CCSER1: variants seen among roughly 807,000 people sequenced by gnomAD.
The protein encoded by CCSER1 is coiled-coil serine rich protein 1.
In CCSER1, 41 loss-of-function variants were observed where a neutral mutation model predicts 82.0. That is an observed-to-expected ratio of 0.50 (90% CI 0.39 to 0.65). The LOEUF is 0.65. Among genes scored for constraint, CCSER1 ranks in the 30% least tolerant of loss-of-function variants. CCSER1 has a pLI of 0.00. For missense variants in CCSER1, 1,119 were observed against 1,064.2 expected (o/e 1.05, Z -0.72); for synonymous variants, 414 against 383.9 (o/e 1.08, Z -0.92).
chr4:90,145,101 A>G (rs1725552840), intron 1 of CCSER1, among the ~76,000 whole-genome samples: 1 of 152,046 alleles, frequency 6.6e-6, no homozygotes, highest in South Asian at 2.1e-4. Context: ...CAAAGAATCT[A>G]TTTCTCTTTG....
At chr4:91,092,357 T>C (rs1724049641) in intron 10 of CCSER1, among the ~76,000 whole-genome samples, 1 of 152,196 alleles carries the variant, frequency 6.6e-6, no homozygotes, top group South Asian at 2.1e-4. Flanking sequence ...CAGTTCATGT[T>C]GGATAAGCCT....
At chr4:90,248,158 A>C (rs1721777885) in intron 1 of CCSER1, among the ~76,000 whole-genome samples, 1 of 152,212 alleles carries the variant, frequency 6.6e-6, no homozygotes. Context: ...AATAAAACAC[A>C]TGGTAAATTG....
chr4:91,039,211 T>TC (rs1290382307), intron 9 of CCSER1, among the ~76,000 whole-genome samples: 5 of 118,442 alleles, frequency 4.2e-5, no homozygotes, highest in Admixed American at 1.8e-4. Context: ...TTTCTTTCTT[T>TC]CTTTTTTTTT....
chr4:90,801,557 T>C (rs1185292687), intron 7 of CCSER1, among the ~76,000 whole-genome samples: 1 of 152,192 alleles, frequency 6.6e-6, no homozygotes, highest in Non-Finnish European at 1.5e-5. Context: ...TTAGGAGATA[T>C]GCCACTGTAT....
chr4:90,582,561 T>C lies in CCSER1; in HGVS notation c.1725-45464T>C, dbSNP rs558947709. ...TGCTAAATACATGTTAAAATAATCA[T>C]TGTTTATCAATCAGTTAACACCAAT... On this transcript the variant is annotated intron_variant, in intron 5 of 10. Coordinates refer to ENST00000509176, the MANE Select transcript of CCSER1 (RefSeq NM_001145065.2). Among the ~76,000 whole-genome samples the C allele has an allele frequency of 2.6e-5, 4 of 152,320 alleles. No individual in the cohort carries two copies. The East Asian group carries it at 5.8e-4, about 22-fold the overall frequency.
In CCSER1 at chr4:91,404,022, G is replaced by C. The variant is rs192054861; in HGVS notation, c.2218-194550G>C. On this transcript the variant is annotated intron_variant, in intron 10 of 10. Coordinates refer to ENST00000509176, the MANE Select transcript of CCSER1 (RefSeq NM_001145065.2). The stretch of plus-strand genomic sequence containing the variant: ...TAGAATTTTGCTGTGAATCCATCTG[G>C]TCCTGGACTTTTTTTGGTTGGTAGG... 7.6e-4 allele frequency among the ~76,000 whole-genome samples: 115 copies of C among 152,190 alleles called. 1 individual carries two copies. Among genetic ancestry groups the C allele is most frequent in the African/African-American group, 2.6e-3 (110 of 41,544 alleles).
chr4:91,325,320 A>G, intron 10 of CCSER1: 1 of 372,624 alleles, frequency 2.7e-6, no homozygotes, highest in South Asian at 2.1e-5. Context: ...TACTTGGAAA[A>G]TGAAGCCATT....
At chr4:90,180,313 A>T (rs940141576) in intron 1 of CCSER1, among the ~76,000 whole-genome samples, 1 of 151,966 alleles carries the variant, frequency 6.6e-6, no homozygotes, top group African/African-American at 2.4e-5. Context: ...TGATGGCCAG[A>T]TGCGGTGCCT....
chr4:91,029,919 A>G (rs1405838814), intron 9 of CCSER1, among the ~76,000 whole-genome samples: 1 of 152,156 alleles, frequency 6.6e-6, no homozygotes, highest in Non-Finnish European at 1.5e-5. Flanking sequence ...TACAAAATGT[A>G]CCACTAAAAT....
At chr4:90,375,801 A>G (rs1748206262) in intron 3 of CCSER1, among the ~76,000 whole-genome samples, 1 of 152,098 alleles carries the variant, frequency 6.6e-6, no homozygotes, top group South Asian at 2.1e-4. Context: ...GACACATACC[A>G]TTTGCTGGCT....
chr4:90,714,069 A>T (rs184539044), intron 6 of CCSER1, among the ~76,000 whole-genome samples: 41 of 151,890 alleles, frequency 2.7e-4, no homozygotes, highest in Middle Eastern at 3.4e-3. Context: ...CGTTGAATTC[A>T]TTCGCCCCTT....
intron 1 of CCSER1, among the ~76,000 whole-genome samples, chr4:90,265,362 A>C (rs1725053106): frequency 6.6e-6 from 1 of 151,856 alleles, no homozygotes; most frequent in African/African-American, 2.4e-5. Flanking sequence ...AAGGTAAATG[A>C]CAGTAATGAT....
intron 10 of CCSER1, among the ~76,000 whole-genome samples, chr4:91,598,036 G>A (rs1764662464): frequency 1.3e-5 from 2 of 152,076 alleles, no homozygotes; most frequent in Admixed American, 1.3e-4. Context: ...CTAATAAGTG[G>A]TCTATTGGTC....
chr4:91,108,035 C>T (rs1725794922), intron 10 of CCSER1: 1 of 152,204 alleles, frequency 6.6e-6, no homozygotes, highest in African/African-American at 2.4e-5. Flanking sequence ...TCCAAGTAGA[C>T]ATCCAAGTCT....
chr4:90,986,962 G>C (rs1736627422), intron 9 of CCSER1, among the ~76,000 whole-genome samples: 7 of 151,484 alleles, frequency 4.6e-5, no homozygotes. Context: ...TATGGACCTC[G>C]GGTTAGACAC....
intron 1 of CCSER1, among the ~76,000 whole-genome samples, chr4:90,133,047 G>A (rs1257479972): frequency 6.6e-6 from 1 of 152,114 alleles, no homozygotes. Flanking sequence ...AGAAGCTCTG[G>A]GGTGGGGTTC....
At chr4:91,531,736 G>A (rs1350244138) in intron 10 of CCSER1, among the ~76,000 whole-genome samples, 1 of 152,152 alleles carries the variant, frequency 6.6e-6, no homozygotes, top group Non-Finnish European at 1.5e-5. Flanking sequence ...ACACCTTCTT[G>A]CTGCATTCTC....
At chr4:91,432,679 T>C (rs1754399727) in intron 10 of CCSER1, among the ~76,000 whole-genome samples, 3 of 152,220 alleles carry the variant, frequency 2.0e-5, no homozygotes, top group Admixed American at 6.5e-5. Context: ...AAGGGACATA[T>C]ATTCCTTTAT....
intron 10 of CCSER1, among the ~76,000 whole-genome samples, chr4:91,570,526 T>C (rs1763124336): frequency 6.6e-6 from 1 of 152,236 alleles, no homozygotes; most frequent in African/African-American, 2.4e-5. Flanking sequence ...TCTATGTACC[T>C]GCAGGCCAAA....
Sources: allele counts gnomAD v4.1 joint callset (sites outside exome capture counted in the v4.1 genomes callset), GRCh38; gene constraint gnomAD v4.1.1; transcripts MANE v1.5; gene names NCBI Gene and HGNC (gene_info 2026-07-23, HGNC 2026-07-21).